AGBL1: variants seen among roughly 807,000 people sequenced by gnomAD.
AGBL1 encodes the protein cytosolic carboxypeptidase 4.
A neutral mutation model predicts 118.9 loss-of-function variants in AGBL1; 130 were observed. The observed-to-expected ratio is 1.09, with a 90% CI of 0.95 to 1.26. AGBL1 has a LOEUF of 1.26. Ranked by LOEUF, AGBL1 falls within the 50% of genes most tolerant of loss-of-function variation. AGBL1 has a pLI of 0.00. For synonymous variants in AGBL1, 555 were observed against 478.9 expected, an observed-to-expected ratio of 1.16 and a Z score of -2.08; for missense variants, 1,584 against 1,298.1, an observed-to-expected ratio of 1.22 and a Z score of -3.38.
At chr15:86,546,193 T>G in intron 20 of AGBL1, 60 bp downstream of exon 20, 2 of 1,502,906 alleles carry the variant, frequency 1.3e-6, no homozygotes, top group Non-Finnish European at 1.8e-6. Flanking sequence ...ATTCTTACCT[T>G]TAAGACCATG....
intron 18 of AGBL1, among the ~76,000 whole-genome samples, chr15:86,475,244 G>C (rs1050105045): frequency 6.6e-6 from 1 of 152,210 alleles, no homozygotes; most frequent in Admixed American, 6.5e-5. Flanking sequence ...GACGCGCTGA[G>C]AGAAGAAGGC....
At chr15:86,291,978 C>G (rs926216734) in intron 16 of AGBL1, among the ~76,000 whole-genome samples, 1 of 152,138 alleles carries the variant, frequency 6.6e-6, no homozygotes, top group Non-Finnish European at 1.5e-5. Context: ...AATTCCTTTA[C>G]TTAGTGTTGT....
chr15:86,977,743 A>G (rs990342846), intron 23 of AGBL1, among the ~76,000 whole-genome samples: 1 of 151,954 alleles, frequency 6.6e-6, no homozygotes, highest in Non-Finnish European at 1.5e-5. Flanking sequence ...AATGATTATG[A>G]ATTTGCATCC....
At chr15:86,984,082 CTA>C (rs1386510599) in intron 23 of AGBL1, among the ~76,000 whole-genome samples, 2 of 152,060 alleles carry the variant, frequency 1.3e-5, no homozygotes, top group Non-Finnish European at 2.9e-5. Context: ...ATGGTAAGTC[CTA>C]TGTTTAACTT....
intron 22 of AGBL1, among the ~76,000 whole-genome samples, chr15:86,736,055 C>T (rs1337598937): frequency 6.6e-6 from 1 of 152,000 alleles, no homozygotes; most frequent in Non-Finnish European, 1.5e-5. Context: ...TCAAAGAGCT[C>T]AGCATTGCAA....
At chr15:86,088,339 C>T (rs529678625) in intron 1 of AGBL1, 1 of 152,250 alleles carries the variant, frequency 6.6e-6, no homozygotes. Flanking sequence ...CCCAGGGTGC[C>T]CTTCCTGTAA....
intron 21 of AGBL1, among the ~76,000 whole-genome samples, chr15:86,650,925 C>G (rs987861262): frequency 6.6e-6 from 1 of 152,198 alleles, no homozygotes; most frequent in Non-Finnish European, 1.5e-5. Context: ...CTTCACAGTT[C>G]ATTGGCAGAG....
chr15:86,334,288 G>A (rs1269380224), intron 17 of AGBL1, among the ~76,000 whole-genome samples: 3 of 152,026 alleles, frequency 2.0e-5, no homozygotes, highest in Non-Finnish European at 4.4e-5. Context: ...TCCACCACAA[G>A]GCTCCTAGAA....
intron 22 of AGBL1, among the ~76,000 whole-genome samples, chr15:86,852,870 G>A (rs2079426551): frequency 6.6e-6 from 1 of 152,158 alleles, no homozygotes. Flanking sequence ...AATCAACTGG[G>A]GAACTTTTAA....
chr15:86,303,235 G>T (rs1003220421), intron 17 of AGBL1, among the ~76,000 whole-genome samples: 1 of 152,264 alleles, frequency 6.6e-6, no homozygotes, highest in East Asian at 1.9e-4. Flanking sequence ...TTTGAAGATT[G>T]TAAAGGGCTT....
intron 3 of AGBL1, among the ~76,000 whole-genome samples, chr15:86,148,716 C>T (rs542403982): frequency 6.6e-6 from 1 of 152,224 alleles, no homozygotes; most frequent in South Asian, 2.1e-4. Context: ...GGATATTATC[C>T]AGGAGAACTT....
At chr15:86,089,625 C>T (rs192436921) in intron 1 of AGBL1, among the ~76,000 whole-genome samples, 97 of 152,018 alleles carry the variant, frequency 6.4e-4, no homozygotes, top group Non-Finnish European at 1.1e-3. Context: ...ATGAATTCTC[C>T]CCTCACCCTT....
At chr15:86,515,601 A>G (rs1229518708) in intron 18 of AGBL1, among the ~76,000 whole-genome samples, 1 of 152,192 alleles carries the variant, frequency 6.6e-6, no homozygotes, top group Non-Finnish European at 1.5e-5. Flanking sequence ...TTTTAAATAA[A>G]TGACCCTTAG....
chr15:86,331,623 G>A (rs371493811), intron 17 of AGBL1, among the ~76,000 whole-genome samples: 4 of 152,218 alleles, frequency 2.6e-5, no homozygotes, highest in Admixed American at 2.6e-4. Flanking sequence ...AACTTTACAA[G>A]CCAGCAGAGA....
At chr15:86,629,438 T>C (rs2084933264) in intron 21 of AGBL1, among the ~76,000 whole-genome samples, 1 of 152,188 alleles carries the variant, frequency 6.6e-6, no homozygotes, top group South Asian at 2.1e-4. Context: ...TTTGTCTGTG[T>C]GAACAGGACA....
At chr15:86,574,918 T>G (rs529869371) in intron 21 of AGBL1, among the ~76,000 whole-genome samples, 1 of 151,820 alleles carries the variant, frequency 6.6e-6, no homozygotes, top group East Asian at 2.0e-4. Context: ...TGGCTGGGCG[T>G]GGTGACTCAC....
At chr15:86,330,086 T>G (rs955894372) in intron 17 of AGBL1, among the ~76,000 whole-genome samples, 1 of 152,212 alleles carries the variant, frequency 6.6e-6, no homozygotes, top group African/African-American at 2.4e-5. Flanking sequence ...TCAAGAGACC[T>G]TTAGGTGAGC....
At chr15:86,388,287 C>T (rs373280925) in intron 17 of AGBL1, among the ~76,000 whole-genome samples, 7 of 152,094 alleles carry the variant, frequency 4.6e-5, no homozygotes, top group African/African-American at 1.7e-4. Context: ...TGCTTATTAG[C>T]ACTAGCATCT....
At chr15:86,697,078 T>A (rs1388327682) in intron 22 of AGBL1, among the ~76,000 whole-genome samples, 1 of 151,940 alleles carries the variant, frequency 6.6e-6, no homozygotes. Context: ...TGTGCCTAGG[T>A]ATTGAAGTTT....
Sources: gnomAD v4.1 joint callset for allele counts (sites outside exome capture counted in the v4.1 genomes callset) on GRCh38, gnomAD v4.1.1 for gene constraint, MANE v1.5 for transcripts, NCBI Gene and HGNC (gene_info 2026-07-23, HGNC 2026-07-21) for gene names.